Variants in CNPY1 observed in about 807,000 individuals in gnomAD.
CNPY1 encodes the protein canopy FGF signaling regulator 1.
CNPY1 carries 14 observed loss-of-function variants against 14.4 expected under a neutral mutation model. The observed-to-expected ratio is 0.97, with a 90% confidence interval of 0.64 to 1.52. The LOEUF is 1.52. Ranked by LOEUF, CNPY1 falls within the 40% of genes most tolerant of loss-of-function variation. CNPY1 has a pLI of 0.00. For synonymous variants in CNPY1, 43 were observed against 46.5 expected (o/e 0.92, Z 0.31); for missense variants, 129 against 131.5 (o/e 0.98, Z 0.09).
chr7:155,508,090 G>A (rs1488058731), intron 3 of CNPY1, among the ~76,000 whole-genome samples: 1 of 152,192 alleles, frequency 6.6e-6, no homozygotes, highest in Non-Finnish European at 1.5e-5. Flanking sequence ...CTTATTTCAA[G>A]GTTTCAGCAG....
intron 2 of CNPY1, among the ~76,000 whole-genome samples, chr7:155,521,055 G>GAAGGAAGGAAGGAAGGAAGGAAGGAAGC (rs1322912623): frequency 0.057 from 5,631 of 98,906 alleles, 157 homozygotes; most frequent in Middle Eastern, 0.075. Flanking sequence ...AAAAAAGAAA[G>GAAGGAAGGAAGGAAGGAAGGAAGGAAGC]AAGGAAGGAA....
At position 155,503,087 on chromosome 7, in the gene CNPY1, G is replaced by A; in HGVS notation, c.419C>T (p.Ala140Val). ...GCACTCCTAGAGCTCAGTATGATTA[G>A]CAGAAGTTTCACACAGATCTGGAAA... Reference protein sequence around the residue: ...SEKSDLCETSANHTEL With the variant: ...SEKSDLCETSVNHTEL The change falls in exon 5 of 5, where the codon GCT (alanine) becomes GTT (valine). Residue 140 changes from alanine (A) to valine (V), a missense_variant. Ala to Val is a moderately conservative substitution (Grantham distance 64, BLOSUM62 0). Coordinates refer to ENST00000636446, the MANE Select transcript of CNPY1 (RefSeq NM_001393663.1). 1 of 1,600,974 alleles carries A rather than the reference G, an allele frequency of 6.2e-7. No individual in the cohort carries two copies. Among genetic ancestry groups the A allele is most frequent in the African/African-American group, 1.4e-5 (1 of 70,356 alleles).
chr7:155,537,669 C>A (rs983654297), intron 2 of CNPY1, among the ~76,000 whole-genome samples: 1 of 152,088 alleles, frequency 6.6e-6, no homozygotes, highest in African/African-American at 2.4e-5. Flanking sequence ...AGGTGATCCA[C>A]CCGTCTTGGC....
At chr7:155,506,472 T>C (rs1796312331) in intron 4 of CNPY1, 1 of 154,032 alleles carries the variant, frequency 6.5e-6, no homozygotes, top group Admixed American at 6.5e-5. Context: ...ACTATTATTT[T>C]CCACCCTCTG....
chr7:155,511,004 A>G (rs1796519679), intron 2 of CNPY1, among the ~76,000 whole-genome samples: 1 of 152,242 alleles, frequency 6.6e-6, no homozygotes, highest in African/African-American at 2.4e-5. Flanking sequence ...TACATATACA[A>G]TATATTCATA....
In CNPY1 at chr7:155,540,166, G is replaced by A. The variant is rs531695530; in HGVS notation, c.99+5665C>T. On this transcript the variant is annotated intron_variant, in intron 2 of 4. Coordinates refer to ENST00000636446, the MANE Select transcript of CNPY1 (RefSeq NM_001393663.1). ...CTTTTGGAAAGAAGTTTCCTAAGTC[G>A]GATAAGGAAATTCCAGGGAGAGGCT... 2.0e-5 allele frequency among the ~76,000 whole-genome samples: 3 copies of A among 152,270 alleles called. 1 individual carries two copies. The highest frequency in any genetic ancestry group is 7.2e-5 in the African/African-American group (3 of 41,562).
chr7:155,531,542 G>C (rs1345041277), intron 2 of CNPY1, among the ~76,000 whole-genome samples: 1 of 152,140 alleles, frequency 6.6e-6, no homozygotes, highest in Non-Finnish European at 1.5e-5. Context: ...GCTCAAAGTG[G>C]GTCCTTCTCT....
rs201727661 is a variant in CNPY1 at position 155,536,746 on chromosome 7, G to A, written c.99+9085C>T. ...GAATGACCAAGTGGAGCAGAGCCCC[G>A]TGCCAACCCACACTAGACTACGACA... On this transcript the variant is annotated intron_variant, in intron 2 of 4. Transcript: ENST00000636446. The surrounding 1 kb of genome is among the most constrained non-coding windows in gnomAD (Gnocchi z 4.1). Among the ~76,000 whole-genome samples, 51 of 152,276 alleles carry A rather than the reference G, an allele frequency of 3.3e-4. No individual in the cohort carries two copies. The highest frequency in any genetic ancestry group is 2.1e-3 in the East Asian group (11 of 5,176).
intron 2 of CNPY1, among the ~76,000 whole-genome samples, chr7:155,533,235 G>T: frequency 6.6e-6 from 1 of 152,212 alleles, no homozygotes; most frequent in East Asian, 1.9e-4. Flanking sequence ...GACGGGAACG[G>T]CTGGAGGGAG....
At chr7:155,519,407 G>C (rs901917246) in intron 2 of CNPY1, among the ~76,000 whole-genome samples, 20 of 152,210 alleles carry the variant, frequency 1.3e-4, no homozygotes, top group African/African-American at 4.8e-4. Flanking sequence ...TGTGGTCCCA[G>C]CTACTTGGGA....
intron 2 of CNPY1, among the ~76,000 whole-genome samples, chr7:155,527,589 A>G (rs1698756960): frequency 6.7e-6 from 1 of 148,838 alleles, no homozygotes; most frequent in African/African-American, 2.5e-5. Context: ...CCACAAGTAC[A>G]CGCCACCACA....
intron 2 of CNPY1, among the ~76,000 whole-genome samples, chr7:155,510,127 T>C (rs1240372942): frequency 6.6e-6 from 1 of 152,242 alleles, no homozygotes; most frequent in Admixed American, 6.5e-5. Flanking sequence ...AGTGTTGATC[T>C]ATCCAGCCTC....
chr7:155,543,260 G>A (rs1353241460), intron 2 of CNPY1, among the ~76,000 whole-genome samples: 1 of 152,198 alleles, frequency 6.6e-6, no homozygotes, highest in Non-Finnish European at 1.5e-5. Flanking sequence ...GGGGGCCCGA[G>A]ACCCCTCTCA....
intron 2 of CNPY1, among the ~76,000 whole-genome samples, chr7:155,518,083 G>A (rs1027299562): frequency 9.2e-5 from 14 of 152,106 alleles, no homozygotes; most frequent in African/African-American, 1.4e-4. Flanking sequence ...GAGCTTTCCC[G>A]TGAAGCTCTC....
chr7:155,537,399 C>T (rs1419286966), intron 2 of CNPY1, among the ~76,000 whole-genome samples: 1 of 151,462 alleles, frequency 6.6e-6, no homozygotes, highest in Non-Finnish European at 1.5e-5. Flanking sequence ...CACATCACAG[C>T]TTTCTGTGGA....
chr7:155,542,722 C>G (rs1797100532), intron 2 of CNPY1, among the ~76,000 whole-genome samples: 2 of 152,368 alleles, frequency 1.3e-5, no homozygotes, highest in African/African-American at 2.4e-5. Flanking sequence ...TGTCCCAGCC[C>G]CACATCCACA....
intron 4 of CNPY1, among the ~76,000 whole-genome samples, chr7:155,506,073 T>G (rs1001148896): frequency 6.6e-6 from 1 of 152,268 alleles, no homozygotes; most frequent in East Asian, 1.9e-4. Flanking sequence ...TGAATATTTA[T>G]CTACAAATGT....
At chr7:155,530,084 C>G (rs972857729) in intron 2 of CNPY1, among the ~76,000 whole-genome samples, 1 of 152,098 alleles carries the variant, frequency 6.6e-6, no homozygotes, top group African/African-American at 2.4e-5. Context: ...ATGCAGCCCA[C>G]ACTTCAAGTT....
chr7:155,527,434 CTT>C (rs11364914), intron 2 of CNPY1, among the ~76,000 whole-genome samples: 1,219 of 56,796 alleles, frequency 0.021, 3 homozygotes, highest in African/African-American at 0.079. Flanking sequence ...TAATTAATTT[CTT>C]TTTTTTTTTT....
Sources: allele counts gnomAD v4.1 joint callset (sites outside exome capture counted in the v4.1 genomes callset), GRCh38; gene constraint gnomAD v4.1.1; non-coding constraint Gnocchi (gnomAD v3.1); transcripts MANE v1.5; gene names NCBI Gene and HGNC (gene_info 2026-07-23, HGNC 2026-07-21).